CARMIL1: variants seen among roughly 807,000 people sequenced by gnomAD.
CARMIL1 encodes the protein capping protein regulator and myosin 1 linker 1.
Under a neutral mutation model 177.1 loss-of-function variants are expected in CARMIL1, and 90 were observed. That is an observed-to-expected ratio of 0.51 (90% CI 0.43 to 0.61). The LOEUF is 0.61. CARMIL1 is among the 20% of genes least tolerant of loss of function. The probability of loss-of-function intolerance (pLI) is 0.00; values close to 1 mark genes in which losing one functional copy is unlikely to be tolerated. For synonymous variants in CARMIL1, 577 were observed against 606.2 expected (o/e 0.95, Z 0.71); for missense variants, 1,380 against 1,667.0 (o/e 0.83, Z 3.00).
intron 20 of CARMIL1, among the ~76,000 whole-genome samples, chr6:25,510,967 T>G (rs953262003): frequency 1.3e-5 from 2 of 152,180 alleles, no homozygotes; most frequent in Non-Finnish European, 2.9e-5. Context: ...CAACTCACTG[T>G]CAATTAAAGG....
rs145629912 is a variant in CARMIL1 at position 25,301,248 on chromosome 6, C to T, written c.138+16339C>T. 3.3e-5 allele frequency among the ~76,000 whole-genome samples: 5 copies of T among 152,200 alleles called. No individual in the cohort carries two copies. In the East Asian group the frequency reaches 7.7e-4, roughly 24 times the overall value. On this transcript the variant is annotated intron_variant, in intron 2 of 36. Transcript: ENST00000329474. ...CAGCAAAAGGCATGAGGAATAAAAG[C>T]CCTTAGTTAAGCAGAAACCATGAGG...
At chr6:25,400,224 A>T (rs1793773385) in intron 2 of CARMIL1, among the ~76,000 whole-genome samples, 3 of 152,104 alleles carry the variant, frequency 2.0e-5, no homozygotes, top group Admixed American at 2.0e-4. Flanking sequence ...AATCATGCTA[A>T]CCTAGCACGA....
chr6:25,303,726 ATATATGT>A (rs1407352696), intron 2 of CARMIL1, among the ~76,000 whole-genome samples: 3 of 152,250 alleles, frequency 2.0e-5, no homozygotes, highest in African/African-American at 7.2e-5. Flanking sequence ...AACTGGAGAA[ATATATGT>A]TAAATAACGG....
At chr6:25,572,362 G>A (rs965566197) in intron 29 of CARMIL1, among the ~76,000 whole-genome samples, 1 of 152,104 alleles carries the variant, frequency 6.6e-6, no homozygotes, top group Admixed American at 6.6e-5. Context: ...GGAGAAAAAG[G>A]GTGGGTGTAT....
chr6:25,451,660 A>G (rs1470909750), intron 8 of CARMIL1, among the ~76,000 whole-genome samples: 1 of 152,158 alleles, frequency 6.6e-6, no homozygotes, highest in East Asian at 1.9e-4. Flanking sequence ...GCTCTCTAAC[A>G]GTCGAGCCCG....
At chr6:25,465,748 A>G (rs1189245287) in intron 8 of CARMIL1, 125 bp from the exon 9 acceptor site, 1 of 681,074 alleles carries the variant, frequency 1.5e-6, no homozygotes, top group Non-Finnish European at 2.6e-6. Context: ...CTAGTGGCCA[A>G]CTAGATGTTG....
At chr6:25,612,265 T>C (rs1306560630) in intron 36 of CARMIL1, 1 of 152,268 alleles carries the variant, frequency 6.6e-6, no homozygotes, top group Non-Finnish European at 1.5e-5. Context: ...CAGCCACTTG[T>C]GAGTTCTATC....
At chr6:25,332,787 A>ACG (rs150427213) in intron 2 of CARMIL1, among the ~76,000 whole-genome samples, 3 of 146,804 alleles carry the variant, frequency 2.0e-5, no homozygotes, top group East Asian at 4.0e-4. Flanking sequence ...ACACACACAC[A>ACG]CACACTTCTT....
rs538539851 is a variant in CARMIL1 at position 25,537,983 on chromosome 6, G to A, written c.2196G>A (p.Thr732=). The change falls in exon 25 of 37, where the codon ACG becomes ACA. Residue 732 remains threonine (T), a splice_region_variant and synonymous_variant. Coordinates refer to ENST00000329474, the MANE Select transcript of CARMIL1 (RefSeq NM_017640.6). ...RLMRDAKNSK[T]LLPNLYHVGG... ...TGCGTGATGCTAAGAACTCTAAAAC[G>A]GTGAGTTTCACTTCAGGCTGTGTGA... 17 of 1,597,990 alleles carry A rather than the reference G, an allele frequency of 1.1e-5. No homozygotes were observed. Among genetic ancestry groups the A allele is most frequent in the East Asian group, 4.5e-5 (2 of 44,464 alleles).
chr6:25,450,912 TTCTCCTCTCC>T (rs1163650038), intron 8 of CARMIL1, among the ~76,000 whole-genome samples: 356 of 14,420 alleles, frequency 0.025, 5 homozygotes, highest in African/African-American at 0.047. Flanking sequence ...TTTCTTTTCC[TTCTCCTCTCC>T]TCTCCTCTCC....
At position 25,509,238 on chromosome 6, in the gene CARMIL1, G is replaced by A. The variant is rs530838547; in HGVS notation, c.1396-418G>A. 2.0e-5 allele frequency among the ~76,000 whole-genome samples: 3 copies of A among 152,170 alleles called. No individual in the cohort carries two copies. The South Asian group carries it at 6.2e-4, about 32-fold the overall frequency. ...AAAGTAAGTCTTCATTGTCTCCTTT[G>A]GTTGGGTGGAGAGTTTACACCTTGG... On this transcript the variant is annotated intron_variant, in intron 17 of 36. Transcript: ENST00000329474. This position sits in a 1 kb window ranked among gnomAD's most constrained non-coding sequence, Gnocchi z 4.1.
chr6:25,414,529 T>C (rs981982667), intron 2 of CARMIL1, among the ~76,000 whole-genome samples: 2 of 152,176 alleles, frequency 1.3e-5, no homozygotes, highest in South Asian at 2.1e-4. Flanking sequence ...AAGCTTTAAA[T>C]CCTAGGGCAG....
At chr6:25,418,681 G>A (rs1026986698) in intron 2 of CARMIL1, among the ~76,000 whole-genome samples, 2 of 152,156 alleles carry the variant, frequency 1.3e-5, no homozygotes, top group African/African-American at 4.8e-5. Context: ...GCATTGAGAA[G>A]GCACTGGTTG....
chr6:25,289,153 TAGCCATG>T (rs1781748005), intron 2 of CARMIL1, among the ~76,000 whole-genome samples: 1 of 152,194 alleles, frequency 6.6e-6, no homozygotes, highest in Non-Finnish European at 1.5e-5. Context: ...AATGGTCCTT[TAGCCATG>T]TTTTTTAAAA....
At chr6:25,617,816 C>T (rs1485485093) in intron 36 of CARMIL1, among the ~76,000 whole-genome samples, 1 of 152,060 alleles carries the variant, frequency 6.6e-6, no homozygotes, top group African/African-American at 2.4e-5. Context: ...GTGAAAGGAC[C>T]AAACAAGTGC....
intron 9 of CARMIL1, among the ~76,000 whole-genome samples, chr6:25,469,625 A>ACGGTTCAATGCAGCCTCGACATC (rs1800924632): frequency 6.6e-6 from 1 of 151,994 alleles, no homozygotes; most frequent in Admixed American, 6.6e-5. Flanking sequence ...TGGTGCGATG[A>ACGGTTCAATGCAGCCTCGACATC]CGGTTCAATG....
intron 24 of CARMIL1, among the ~76,000 whole-genome samples, chr6:25,529,925 C>A (rs1360769687): frequency 6.6e-6 from 1 of 151,864 alleles, no homozygotes; most frequent in African/African-American, 2.4e-5. Flanking sequence ...GTAGAGCAAA[C>A]CTTTATAGCT....
At chr6:25,550,794 C>G in intron 26 of CARMIL1, 116 bp from the exon 27 acceptor site, 2 of 893,096 alleles carry the variant, frequency 2.2e-6, no homozygotes, top group East Asian at 2.4e-5. Flanking sequence ...TCTGGGACTC[C>G]GTCGTGCTCC....
intron 2 of CARMIL1, among the ~76,000 whole-genome samples, chr6:25,315,556 C>T (rs912289842): frequency 1.3e-5 from 2 of 150,680 alleles, no homozygotes; most frequent in African/African-American, 4.9e-5. Flanking sequence ...TTTTTTCTCT[C>T]ATCTCTTCCC....
Sources: allele counts gnomAD v4.1 joint callset (sites outside exome capture counted in the v4.1 genomes callset), GRCh38; gene constraint gnomAD v4.1.1; non-coding constraint Gnocchi (gnomAD v3.1); transcripts MANE v1.5; gene names NCBI Gene and HGNC (gene_info 2026-07-23, HGNC 2026-07-21).